Variants in GCH1 observed in about 807,000 individuals in gnomAD.
The protein encoded by GCH1 is GTP cyclohydrolase I.
In GCH1, 5 loss-of-function variants were observed where a neutral mutation model predicts 25.9. The ratio of observed to expected loss-of-function variants is 0.19; its 90% CI spans 0.10 to 0.41. GCH1 has a LOEUF of 0.41. GCH1 is among the 10% of genes least tolerant of loss of function. The pLI, the probability that GCH1 is intolerant of heterozygous loss-of-function variation, is 1.00. For missense variants in GCH1, 261 were observed against 336.5 expected (o/e 0.78, Z 1.75); for synonymous variants, 159 against 129.6 (o/e 1.23, Z -1.54).
In GCH1 at chr14:54,891,825, T is replaced by A. The variant is rs75120347; in HGVS notation, c.343+10496A>T. Among the ~76,000 whole-genome samples, 1,441 of 152,326 alleles carry A rather than the reference T, an allele frequency of 9.5e-3. 28 individuals carry two copies. The highest frequency in any genetic ancestry group is 0.033 in the African/African-American group (1,354 of 41,570). On this transcript the variant is annotated intron_variant, in intron 1 of 5. Transcript: ENST00000491895. ...CCAGAGCATCCACATTGTCTATGCT[T>A]CCTACCTAATAGTCACTTAGTATCC... is the stretch of plus-strand genomic sequence containing the variant.
chr14:54,884,351 T>C (rs1171219605), intron 1 of GCH1, among the ~76,000 whole-genome samples: 2 of 152,100 alleles, frequency 1.3e-5, no homozygotes, highest in Non-Finnish European at 2.9e-5. Context: ...AAAAGTACCA[T>C]ATAAAATAAG....
rs1353623780 is a variant in GCH1, at chr14:54,865,380, C to T, written c.400G>A (p.Asp134Asn). 6.3e-7 allele frequency: 1 copy of T among 1,595,320 alleles called. No individual in the cohort carries two copies. The highest frequency in any genetic ancestry group is 1.1e-5 in the South Asian group (1 of 90,648). ...EDHDEMVIVKDIDMFSMCEHH... is the reference protein window; with the variant it reads ...EDHDEMVIVKNIDMFSMCEHH... ...TCACACATGGAAAACATGTCTATGT[C>T]CTTCACAATCACCATCTCATCATGA... Residue 134 changes from aspartate to asparagine, a missense_variant, in exon 2 of 6, where the codon GAC (aspartate) becomes AAC (asparagine). Asp to Asn is a conservative substitution (Grantham distance 23). This residue lies in a region of GCH1 where 130 missense variants were observed against 184.1 expected (regional missense o/e 0.71). Transcript: ENST00000491895.
chr14:54,867,312 G>A (rs895325044), intron 1 of GCH1, among the ~76,000 whole-genome samples: 10 of 152,126 alleles, frequency 6.6e-5, no homozygotes, highest in Non-Finnish European at 7.3e-5. Flanking sequence ...TCCAGGCTGG[G>A]TGCAGTGGCT....
At chr14:54,863,167 C>G (rs889573037) in intron 2 of GCH1, among the ~76,000 whole-genome samples, 1 of 151,932 alleles carries the variant, frequency 6.6e-6, no homozygotes, top group African/African-American at 2.4e-5. Context: ...CGCCTGTAAT[C>G]CCAGCACTTT....
intron 2 of GCH1, among the ~76,000 whole-genome samples, chr14:54,862,635 C>T (rs1337832156): frequency 9.7e-6 from 1 of 103,174 alleles, no homozygotes; most frequent in Admixed American, 1.3e-4. Context: ...TTGGTAGAGA[C>T]AGGGTTTTAC....
intron 1 of GCH1, among the ~76,000 whole-genome samples, chr14:54,890,260 G>T (rs987832512): frequency 1.3e-5 from 2 of 152,220 alleles, no homozygotes; most frequent in South Asian, 4.1e-4. Flanking sequence ...CACTTTGGGA[G>T]GCCGAGGTGG....
chr14:54,855,267 A>G (rs2039791560), intron 3 of GCH1, among the ~76,000 whole-genome samples: 1 of 152,092 alleles, frequency 6.6e-6, no homozygotes, highest in African/African-American at 2.4e-5. Context: ...GCACTTTGGG[A>G]GGCTGGGGTG....
intron 1 of GCH1, among the ~76,000 whole-genome samples, chr14:54,883,102 G>A (rs755127204): frequency 1.3e-5 from 2 of 151,930 alleles, no homozygotes; most frequent in South Asian, 2.1e-4. Flanking sequence ...GGCCGGGCGC[G>A]GTGGTTCACG....
rs934780914 is a variant in GCH1 at position 54,844,004 on chromosome 14, C to T, written c.*13G>A. The T allele has an allele frequency of 2.5e-6, 4 of 1,614,080 alleles. No individual in the cohort carries two copies. The highest frequency in any genetic ancestry group is 2.7e-5 in the African/African-American group (2 of 74,928). On this transcript the variant is annotated 3_prime_UTR_variant, in exon 6 of 6. Coordinates refer to ENST00000491895, the MANE Select transcript of GCH1 (RefSeq NM_000161.3). The stretch of plus-strand genomic sequence containing the variant: ...GTACGATCGGCAACCAACGCACACA[C>T]ACTGAATGAAGCTCAGCTCCTAATG...
At chr14:54,859,995 C>T (rs946182092) in intron 2 of GCH1, among the ~76,000 whole-genome samples, 3 of 152,006 alleles carry the variant, frequency 2.0e-5, no homozygotes, top group East Asian at 1.9e-4. Context: ...TACAGTTGTC[C>T]GTTGGTAAAT....
intron 1 of GCH1, among the ~76,000 whole-genome samples, chr14:54,872,049 A>G (rs942742098): frequency 6.6e-6 from 1 of 152,178 alleles, no homozygotes; most frequent in East Asian, 1.9e-4. Flanking sequence ...TAATTGTCAG[A>G]TTCACCAAAG....
intron 1 of GCH1, among the ~76,000 whole-genome samples, chr14:54,879,371 A>G (rs2140096382): frequency 6.7e-6 from 1 of 148,774 alleles, no homozygotes; most frequent in Non-Finnish European, 1.5e-5. Context: ...CAGTGACTTC[A>G]GATCACACCA....
chr14:54,855,935 TC>T (rs1481265231), intron 3 of GCH1, among the ~76,000 whole-genome samples: 1 of 152,202 alleles, frequency 6.6e-6, no homozygotes, highest in Non-Finnish European at 1.5e-5. Flanking sequence ...AATCTCTAGT[TC>T]TAACTCTGGG....
intron 1 of GCH1, among the ~76,000 whole-genome samples, chr14:54,872,147 T>C (rs2040088901): frequency 6.6e-6 from 1 of 152,204 alleles, no homozygotes; most frequent in Non-Finnish European, 1.5e-5. Context: ...ACAGCTGATC[T>C]CTCGGCAGAA....
intron 1 of GCH1, among the ~76,000 whole-genome samples, chr14:54,884,664 G>A (rs1297130534): frequency 6.6e-6 from 1 of 150,616 alleles, no homozygotes; most frequent in Non-Finnish European, 1.5e-5. Flanking sequence ...CAGCTACTTG[G>A]GAGGCTGAGG....
chr14:54,873,607 TAAAG>T (rs571244363), intron 1 of GCH1, among the ~76,000 whole-genome samples: 2,838 of 151,672 alleles, frequency 0.019, 37 homozygotes, highest in Non-Finnish European at 0.026. Context: ...GCAAGACTAA[TAAAG>T]AAGAAAAGAG....
chr14:54,846,437 G>T (rs961038366), intron 4 of GCH1, among the ~76,000 whole-genome samples: 1 of 152,094 alleles, frequency 6.6e-6, no homozygotes, highest in Non-Finnish European at 1.5e-5. Context: ...TGGCATATAC[G>T]GTAGGATTCT....
chr14:54,892,895 A>G lies in GCH1; in HGVS notation c.343+9426T>C, dbSNP rs148202994. Among the ~76,000 whole-genome samples, 700 of 151,540 alleles carry G rather than the reference A, an allele frequency of 4.6e-3. 6 individuals are homozygous for G. Among genetic ancestry groups the G allele is most frequent in the Middle Eastern group, 0.034 (10 of 290 alleles). On this transcript the variant is annotated intron_variant, in intron 1 of 5. Transcript: ENST00000491895. ...GGACTTGGAGACCAACCTGGCTAAC[A>G]TGGTGAAACCCTGTCTCTGCTAAAA... is the stretch of plus-strand genomic sequence containing the variant.
intron 5 of GCH1, 27 bp downstream of exon 5, chr14:54,845,741 C>G (rs757735905): frequency 8.0e-7 from 1 of 1,254,190 alleles, no homozygotes; most frequent in African/African-American, 1.5e-5. Flanking sequence ...ACCATTATGA[C>G]GTTACTAAAG....
Sources: gnomAD v4.1 joint callset for allele counts (sites outside exome capture counted in the v4.1 genomes callset) on GRCh38, gnomAD v4.1.1 for gene constraint, gnomAD v4.1.1 regional missense constraint, MANE v1.5 for transcripts, NCBI Gene and HGNC (gene_info 2026-07-23, HGNC 2026-07-21) for gene names.